AMBRA1: variants seen among roughly 807,000 people sequenced by gnomAD.
AMBRA1 encodes the protein activating molecule in BECN1-regulated autophagy protein 1.
In AMBRA1, 47 loss-of-function variants were observed where a neutral mutation model predicts 125.4. The observed-to-expected ratio is 0.37, with a 90% confidence interval of 0.30 to 0.48. The LOEUF (loss-of-function observed/expected upper bound fraction) is 0.48. Ranked by LOEUF, AMBRA1 falls within the 20% of genes least tolerant of loss-of-function variation. The pLI is 0.99. For synonymous variants in AMBRA1, 626 were observed against 655.5 expected (o/e 0.95, Z 0.69); for missense variants, 1,331 against 1,693.4 (o/e 0.79, Z 3.76).
chr11:46,487,674 C>G (rs182433187), intron 11 of AMBRA1, among the ~76,000 whole-genome samples: 99 of 151,714 alleles, frequency 6.5e-4, no homozygotes, highest in Non-Finnish European at 1.2e-3. Context: ...AAAATACATT[C>G]AAAAATCAAA....
intron 1 of AMBRA1, among the ~76,000 whole-genome samples, chr11:46,567,719 C>A (rs1218784979): frequency 6.6e-6 from 1 of 152,158 alleles, no homozygotes; most frequent in East Asian, 1.9e-4. Flanking sequence ...CCACCCCAAC[C>A]AGCGATTCCT....
intron 7 of AMBRA1, among the ~76,000 whole-genome samples, chr11:46,533,030 G>A (rs1015419680): frequency 2.0e-5 from 3 of 152,112 alleles, no homozygotes; most frequent in Non-Finnish European, 2.9e-5. Context: ...AGGCCTGGTG[G>A]CACACACTTG....
At chr11:46,515,564 G>A (rs1951441323) in intron 7 of AMBRA1, among the ~76,000 whole-genome samples, 1 of 152,210 alleles carries the variant, frequency 6.6e-6, no homozygotes, top group Non-Finnish European at 1.5e-5. Context: ...CCCCCAATCT[G>A]CTAAGGCAAT....
chr11:46,464,509 A>G (rs79078082), intron 11 of AMBRA1, among the ~76,000 whole-genome samples: 9,249 of 152,258 alleles, frequency 0.061, 365 homozygotes, highest in Non-Finnish European at 0.09. Flanking sequence ...GTCTACAGAT[A>G]GGCTTCAGGT....
At chr11:46,458,335 C>T (rs1948941592) in intron 11 of AMBRA1, among the ~76,000 whole-genome samples, 1 of 152,094 alleles carries the variant, frequency 6.6e-6, no homozygotes, top group South Asian at 2.1e-4. Flanking sequence ...TGTTTAAAAC[C>T]CCACCTCCTC....
At chr11:46,412,322 T>G (rs775709711) in intron 15 of AMBRA1, among the ~76,000 whole-genome samples, 7 of 152,226 alleles carry the variant, frequency 4.6e-5, no homozygotes, top group Non-Finnish European at 1.0e-4. Context: ...CTCACTCTGT[T>G]GCCCAGTCTG....
chr11:46,562,476 G>A (rs2043371789), intron 1 of AMBRA1, among the ~76,000 whole-genome samples: 1 of 152,224 alleles, frequency 6.6e-6, no homozygotes, highest in Non-Finnish European at 1.5e-5. Flanking sequence ...AGCAATATAA[G>A]AGATGAATAG....
intron 11 of AMBRA1, among the ~76,000 whole-genome samples, chr11:46,475,500 CCCCT>C (rs1317118004): frequency 2.0e-5 from 3 of 152,186 alleles, no homozygotes; most frequent in Admixed American, 6.5e-5. Context: ...ATACAAAAAT[CCCCT>C]CCCATCACAG....
intron 11 of AMBRA1, among the ~76,000 whole-genome samples, chr11:46,478,888 G>C (rs531059988): frequency 1.3e-5 from 2 of 152,066 alleles, no homozygotes; most frequent in Admixed American, 6.5e-5. Context: ...CTCAGTATAT[G>C]TAAGGACACT....
At chr11:46,408,962 T>C (rs1047260958) in intron 16 of AMBRA1, among the ~76,000 whole-genome samples, 4 of 152,246 alleles carry the variant, frequency 2.6e-5, no homozygotes, top group Non-Finnish European at 5.9e-5. Context: ...CACTCAGTCA[T>C]GCCCTTCAAC....
intron 1 of AMBRA1, among the ~76,000 whole-genome samples, chr11:46,588,523 C>A (rs1449349008): frequency 2.6e-5 from 4 of 151,854 alleles, no homozygotes; most frequent in African/African-American, 7.3e-5. Flanking sequence ...TACCTGTATT[C>A]CCAGCACTTT....
chr11:46,424,765 A>T (rs1031984368), intron 14 of AMBRA1, among the ~76,000 whole-genome samples: 1 of 151,984 alleles, frequency 6.6e-6, no homozygotes, highest in Non-Finnish European at 1.5e-5. Flanking sequence ...GCTTGAGCCC[A>T]GTTATTAAAA....
chr11:46,418,091 G>A (rs373603626), intron 14 of AMBRA1, 39 bp from the exon 15 acceptor site: 727 of 1,507,526 alleles, frequency 4.8e-4, no homozygotes, highest in Non-Finnish European at 6.0e-4. Context: ...AGAATGGGAG[G>A]AGAAACAATT....
chr11:46,423,055 A>G (rs999543264), intron 14 of AMBRA1, among the ~76,000 whole-genome samples: 11 of 152,230 alleles, frequency 7.2e-5, no homozygotes, highest in African/African-American at 2.4e-4. Context: ...GAGGGCTACT[A>G]GAAGAGAATC....
chr11:46,464,768 C>T (rs934011168), intron 11 of AMBRA1, among the ~76,000 whole-genome samples: 4 of 151,952 alleles, frequency 2.6e-5, no homozygotes, highest in East Asian at 1.9e-4. Flanking sequence ...GAGACAAGGC[C>T]GGGCGCAGTG....
intron 17 of AMBRA1, among the ~76,000 whole-genome samples, chr11:46,407,254 G>A (rs188747178): frequency 2.6e-5 from 4 of 152,292 alleles, no homozygotes; most frequent in Admixed American, 2.6e-4. Flanking sequence ...CTGCCTAAGA[G>A]AATGGCCCAC....
At chr11:46,467,251 T>G (rs1311085284) in intron 11 of AMBRA1, among the ~76,000 whole-genome samples, 1 of 152,148 alleles carries the variant, frequency 6.6e-6, no homozygotes, top group Non-Finnish European at 1.5e-5. Context: ...TATTATCTAC[T>G]GATTTCCTAT....
At chr11:46,547,428 A>G in intron 3 of AMBRA1, 132 bp from the exon 4 acceptor site, 1 of 778,264 alleles carries the variant, frequency 1.3e-6, no homozygotes, top group Non-Finnish European at 2.0e-6. Context: ...TTTGTATGTT[A>G]GGCAGTATAT....
At chr11:46,398,489 T>TATTG (rs1004538404) in intron 17 of AMBRA1, among the ~76,000 whole-genome samples, 2 of 152,198 alleles carry the variant, frequency 1.3e-5, no homozygotes, top group African/African-American at 4.8e-5. Flanking sequence ...GTTATTTTTA[T>TATTG]ATTGATTGAT....
Sources: allele counts gnomAD v4.1 joint callset (sites outside exome capture counted in the v4.1 genomes callset), GRCh38; gene constraint gnomAD v4.1.1; transcripts MANE v1.5; gene names NCBI Gene and HGNC (gene_info 2026-07-23, HGNC 2026-07-21).